SIAH3: variants seen among roughly 807,000 people sequenced by gnomAD.
The protein encoded by SIAH3 is seven in absentia homolog 3.
SIAH3 carries 9 observed loss-of-function variants against 12.6 expected under a neutral mutation model. The observed-to-expected ratio is 0.72, with a 90% confidence interval of 0.43 to 1.25. The LOEUF is 1.25. SIAH3 is among the 50% of genes most tolerant of loss of function. SIAH3 has a pLI of 0.00. For missense variants in SIAH3, 390 were observed against 365.4 expected (o/e 1.07, Z -0.55); for synonymous variants, 154 against 151.1 (o/e 1.02, Z -0.14).
chr13:45,846,658 C>A (rs1283865786), intron 1 of SIAH3, among the ~76,000 whole-genome samples: 3 of 152,192 alleles, frequency 2.0e-5, no homozygotes, highest in African/African-American at 7.2e-5. Flanking sequence ...TCAAAGAAAG[C>A]TTTCCGTATC....
chr13:45,782,620 G>T lies in SIAH3; in HGVS notation c.*763C>A, dbSNP rs936409824. ...ACTACTTGCTCAACAGAAGGCAAAG[G>T]GGTTTTTAAGAAAGCATCAAAAATC... On this transcript the variant is annotated 3_prime_UTR_variant, in exon 2 of 2. Transcript: ENST00000400405. 10 of 152,090 alleles carry T rather than the reference G, an allele frequency of 6.6e-5. No individual in the cohort carries two copies. The highest frequency in any genetic ancestry group is 1.9e-4 in the African/African-American group (8 of 41,384). 9.4% of individuals were successfully genotyped at this position (152,090 alleles called of 1,614,324 possible).
Position 45,783,284 on chromosome 13 carries a change from AG to A in SIAH3, c.*98del, listed in dbSNP as rs367680900. 7.7e-6 allele frequency: 6 copies of A among 779,476 alleles called. No homozygotes were observed. Among genetic ancestry groups the A allele is most frequent in the African/African-American group, 5.4e-5 (3 of 55,516 alleles). The allele number at this position is 779,476 out of a possible 1,614,324, so 48.3% of individuals were successfully genotyped here. On this transcript the variant is annotated 3_prime_UTR_variant, in exon 2 of 2. Transcript: ENST00000400405. ...TAATTAAAAATTAAAAAAAAAAAAA[AG>A]AAAGGAGAAGAATAAAAAGGAGTCT...
intron 1 of SIAH3, among the ~76,000 whole-genome samples, chr13:45,798,419 G>A: frequency 6.6e-6 from 1 of 152,178 alleles, no homozygotes; most frequent in Non-Finnish European, 1.5e-5. Context: ...GATCACATGT[G>A]GTCCCTATCC....
chr13:45,847,622 CGTGTGT>C (rs112078778), intron 1 of SIAH3, among the ~76,000 whole-genome samples: 13 of 146,952 alleles, frequency 8.8e-5, no homozygotes, highest in African/African-American at 2.8e-4. Context: ...TCCATGTGTT[CGTGTGT>C]GTGTGTGTGT....
At chr13:45,839,571 G>T (rs570740846) in intron 1 of SIAH3, among the ~76,000 whole-genome samples, 1 of 152,208 alleles carries the variant, frequency 6.6e-6, no homozygotes, top group Non-Finnish European at 1.5e-5. Flanking sequence ...GGTGGCTCAC[G>T]CCTGTAATCC....
Position 45,783,727 on chromosome 13 carries a change from A to G in SIAH3, c.466T>C (p.Trp156Arg), listed in dbSNP as rs1950514533. The change falls in exon 2 of 2, where the codon TGG becomes CGG. Residue 156 changes from tryptophan (W) to arginine (R), a missense_variant. Coordinates refer to ENST00000400405, the MANE Select transcript of SIAH3 (RefSeq NM_198849.3). Reference sequence around the variant, plus strand: ...CCAAGGCAGGAGTGCATGATGATCCAATCAGCCGGCGCGGGGAGGTGCATG... The same window carrying G: ...CCAAGGCAGGAGTGCATGATGATCCGATCAGCCGGCGCGGGGAGGTGCATG... ...TDMHLPAPAD[W>R]IIMHSCLGHH... The G allele has an allele frequency of 6.2e-7, 1 of 1,614,136 alleles. No homozygotes were observed. Among genetic ancestry groups the G allele is most frequent in the Non-Finnish European group, 8.5e-7 (1 of 1,179,994 alleles).
chr13:45,784,797 G>A (rs1003840767), intron 1 of SIAH3, among the ~76,000 whole-genome samples: 2 of 152,142 alleles, frequency 1.3e-5, no homozygotes, highest in African/African-American at 4.8e-5. Flanking sequence ...CCTCATGGTG[G>A]CGTGCCCACA....
At chr13:45,801,864 A>G (rs1950583490) in intron 1 of SIAH3, among the ~76,000 whole-genome samples, 3 of 152,206 alleles carry the variant, frequency 2.0e-5, no homozygotes, top group Non-Finnish European at 4.4e-5. Flanking sequence ...AGATGAAGAT[A>G]TCAAGGGGCA....
chr13:45,821,079 G>A (rs372321677), intron 1 of SIAH3, among the ~76,000 whole-genome samples: 13 of 152,318 alleles, frequency 8.5e-5, no homozygotes, highest in South Asian at 2.1e-4. Context: ...ACCTGCAGAC[G>A]TGACCTTATT....
At chr13:45,803,279 T>C (rs1950588498) in intron 1 of SIAH3, among the ~76,000 whole-genome samples, 1 of 152,226 alleles carries the variant, frequency 6.6e-6, no homozygotes, top group African/African-American at 2.4e-5. Context: ...CATTCATTCA[T>C]TCGTTCATCA....
chr13:45,784,396 C>CTTTTTTTTTTTTTTTTT (rs1555256292), intron 1 of SIAH3, among the ~76,000 whole-genome samples: 1 of 102,014 alleles, frequency 9.8e-6, no homozygotes, highest in Non-Finnish European at 2.0e-5. Context: ...ACAAAGACAG[C>CTTTTTTTTTTTTTTTTT]TGTTTTTTTT....
chr13:45,793,761 G>C (rs567268299), intron 1 of SIAH3, among the ~76,000 whole-genome samples: 8 of 152,336 alleles, frequency 5.3e-5, no homozygotes, highest in African/African-American at 1.9e-4. Context: ...TGATAGGTTA[G>C]AAGACTGCCC....
chr13:45,783,281 A>AG lies in SIAH3; in HGVS notation c.*101_*102insC. 8 of 809,908 alleles carry AG rather than the reference A, an allele frequency of 9.9e-6. No homozygotes were observed. Among genetic ancestry groups the AG allele is most frequent in the Non-Finnish European group, 1.4e-5 (8 of 567,366 alleles). The allele number at this position is 809,908 out of a possible 1,614,324, so 50.2% of individuals were successfully genotyped here. The stretch of plus-strand genomic sequence containing the variant: ...TAATAATTAAAAATTAAAAAAAAAA[A>AG]AAAGAAAGGAGAAGAATAAAAAGGA... On this transcript the variant is annotated 3_prime_UTR_variant, in exon 2 of 2. Transcript: ENST00000400405.
chr13:45,813,693 G>T (rs1244003227), intron 1 of SIAH3, among the ~76,000 whole-genome samples: 2 of 152,170 alleles, frequency 1.3e-5, no homozygotes, highest in Non-Finnish European at 2.9e-5. Context: ...AAGGCCCTGG[G>T]AGGTCTGGTG....
chr13:45,782,841 C>G lies in SIAH3; in HGVS notation c.*542G>C, dbSNP rs1486077506. 1 of 152,476 alleles carries G rather than the reference C, an allele frequency of 6.6e-6. No individual in the cohort carries two copies. Among genetic ancestry groups the G allele is most frequent in the East Asian group, 1.9e-4 (1 of 5,194 alleles). 9.4% of individuals were successfully genotyped at this position (152,476 alleles called of 1,614,324 possible). A position where few individuals can be genotyped will look rare whatever the true frequency, so the allele number is the denominator to read the frequency against. On this transcript the variant is annotated 3_prime_UTR_variant, in exon 2 of 2. Coordinates refer to ENST00000400405, the MANE Select transcript of SIAH3 (RefSeq NM_198849.3). ...ACGATCTCCTCATGCCCGGCTAGCT[C>G]AGCTTTGACCTTGAGGTTCCTGGGA... is the stretch of plus-strand genomic sequence containing the variant.
chr13:45,778,613 T>C lies in SIAH3; in HGVS notation c.*4770A>G, dbSNP rs1022737474. On this transcript the variant is annotated 3_prime_UTR_variant, in exon 2 of 2. Transcript: ENST00000400405. ...CGGCCTTCCAGGGCCTTGCTTCTCC[T>C]TCCAAAGTCCCCTCTCCCACCCTGC... is the stretch of plus-strand genomic sequence containing the variant. 3 of 152,232 alleles carry C rather than the reference T, an allele frequency of 2.0e-5. No homozygotes were observed. Among genetic ancestry groups the C allele is most frequent in the African/African-American group, 7.2e-5 (3 of 41,454 alleles). The allele number at this position is 152,232 out of a possible 1,614,324, so 9.4% of individuals were successfully genotyped here.
intron 1 of SIAH3, among the ~76,000 whole-genome samples, chr13:45,811,865 G>A (rs1270974922): frequency 6.6e-6 from 1 of 152,150 alleles, no homozygotes; most frequent in East Asian, 1.9e-4. Context: ...TTTAGGAAAA[G>A]AGTCTACCAA....
chr13:45,820,207 C>T (rs1163612461), intron 1 of SIAH3, among the ~76,000 whole-genome samples: 1 of 152,214 alleles, frequency 6.6e-6, no homozygotes, highest in Non-Finnish European at 1.5e-5. Context: ...CAAACCACAG[C>T]ACCTCCCCAG....
At chr13:45,816,305 C>G (rs1325913765) in intron 1 of SIAH3, among the ~76,000 whole-genome samples, 2 of 152,168 alleles carry the variant, frequency 1.3e-5, no homozygotes, top group South Asian at 4.1e-4. Context: ...ACCCTTGAGG[C>G]CCTGTTTCTG....
Sources: allele counts gnomAD v4.1 joint callset (sites outside exome capture counted in the v4.1 genomes callset), GRCh38; gene constraint gnomAD v4.1.1; transcripts MANE v1.5; gene names NCBI Gene and HGNC (gene_info 2026-07-23, HGNC 2026-07-21).